Variants in BSN observed in about 807,000 individuals in gnomAD.
The protein encoded by BSN is protein bassoon.
In BSN, 57 loss-of-function variants were observed where a neutral mutation model predicts 264.8. The observed-to-expected ratio is 0.22, with a 90% CI of 0.17 to 0.27. BSN has a LOEUF of 0.27. BSN is among the 10% of genes least tolerant of loss of function. BSN has a pLI of 1.00. For synonymous variants in BSN, 2,059 were observed against 2,137.3 expected (o/e 0.96, Z 1.01); for missense variants, 4,615 against 5,232.5 (o/e 0.88, Z 3.64).
intron 2 of BSN, among the ~76,000 whole-genome samples, chr3:49,634,947 G>T (rs1034960919): frequency 6.6e-6 from 1 of 152,156 alleles, no homozygotes; most frequent in African/African-American, 2.4e-5. Flanking sequence ...AGGGGTAGCG[G>T]GTGGGCTCTG....
In BSN at chr3:49,655,102, T is replaced by A; in HGVS notation, c.5546T>A (p.Leu1849Gln). The change falls in exon 5 of 12, where the codon CTG becomes CAG. Residue 1849 changes from leucine to glutamine, a missense_variant. Physicochemically the swap from Leu to Gln is moderately radical, Grantham distance 113 (BLOSUM62 -2). Transcript: ENST00000296452. ...CCCCACCGGGCCACCCCTGCAGAGC[T>A]GCGGTCACATGCTCTGCCAGGTGCC... is the stretch of plus-strand genomic sequence containing the variant. ...AEPHRATPAE[L>Q]RSHALPGARK... The A allele has an allele frequency of 6.2e-7, 1 of 1,612,678 alleles. No homozygotes were observed. Among genetic ancestry groups the A allele is most frequent in the Non-Finnish European group, 8.5e-7 (1 of 1,179,882 alleles).
In BSN at chr3:49,570,519, C is replaced by T. The variant is rs188655502; in HGVS notation, c.224+15693C>T. ...CGTGGAAACAGAGACTGAAGAGCAG[C>T]AGGCACCAGCCTCTGTGCTGTCCCT... On this transcript the variant is annotated intron_variant, in intron 1 of 11. Coordinates refer to ENST00000296452, the MANE Select transcript of BSN (RefSeq NM_003458.4). Among the ~76,000 whole-genome samples, 297 of 152,302 alleles carry T rather than the reference C, an allele frequency of 2.0e-3. 2 individuals are homozygous for T. The highest frequency in any genetic ancestry group is 6.8e-3 in the African/African-American group (282 of 41,558).
At chr3:49,637,027 G>A (rs1351846597) in intron 2 of BSN, among the ~76,000 whole-genome samples, 1 of 152,264 alleles carries the variant, frequency 6.6e-6, no homozygotes, top group Non-Finnish European at 1.5e-5. Context: ...GCCCTCCCAG[G>A]AACCTCTAGA....
In BSN at chr3:49,631,989, T is replaced by C. The variant is rs562676783; in HGVS notation, c.633+6606T>C. Among the ~76,000 whole-genome samples, 19 of 152,254 alleles carry C rather than the reference T, an allele frequency of 1.2e-4. No individual in the cohort carries two copies. In the South Asian group the frequency reaches 3.7e-3, roughly 30 times the overall value. ...ACTGGCATAGAGACATATAGACCAATAGAGTAGAATACGTAGCCCAGAAAT... is the reference window on the plus strand; with the variant it reads ...ACTGGCATAGAGACATATAGACCAACAGAGTAGAATACGTAGCCCAGAAAT... On this transcript the variant is annotated intron_variant, in intron 2 of 11. Transcript: ENST00000296452.
chr3:49,659,465 CAT>C (rs1376263520), intron 5 of BSN, among the ~76,000 whole-genome samples: 1 of 152,132 alleles, frequency 6.6e-6, no homozygotes, highest in Non-Finnish European at 1.5e-5. Flanking sequence ...TTTATTATGA[CAT>C]ATGGTGGATG....
At chr3:49,584,981 T>A (rs78713831) in intron 1 of BSN, among the ~76,000 whole-genome samples, 1 of 152,226 alleles carries the variant, frequency 6.6e-6, no homozygotes, top group Non-Finnish European at 1.5e-5. Flanking sequence ...ATTCTTTTTT[T>A]ATGGCTGAGT....
chr3:49,595,880 T>C (rs2052018879), intron 1 of BSN, among the ~76,000 whole-genome samples: 3 of 152,228 alleles, frequency 2.0e-5, no homozygotes, highest in Non-Finnish European at 4.4e-5. Flanking sequence ...AATTATGTCA[T>C]CTGCAAATAT....
Position 49,654,863 on chromosome 3 carries a change from G to T in BSN, c.5307G>T (p.Val1769=), listed in dbSNP as rs767231541. The change falls in exon 5 of 12, where the codon GTG becomes GTT. Residue 1769 remains valine (V), a synonymous_variant. Coordinates refer to ENST00000296452, the MANE Select transcript of BSN (RefSeq NM_003458.4). This position sits in a 1 kb window ranked among gnomAD's most constrained non-coding sequence, Gnocchi z 4.1. ...TTGGCCAGGGTGGGGGTAGCCCTGT[G>T]TGCCTGGCCCAGGTCAAACAAGTAG... ...LDFGQGGGSP[V]CLAQVKQVEQ... is the part of the protein sequence containing the mutation. 7 of 1,613,488 alleles carry T rather than the reference G, an allele frequency of 4.3e-6. No individual in the cohort carries two copies. The highest frequency in any genetic ancestry group is 1.7e-5 in the Admixed American group (1 of 60,010).
chr3:49,628,875 A>G (rs1481733693), intron 2 of BSN, among the ~76,000 whole-genome samples: 1 of 152,014 alleles, frequency 6.6e-6, no homozygotes, highest in African/African-American at 2.4e-5. Context: ...GCTGGTTCAG[A>G]ACAAATAGGG....
Position 49,669,647 on chromosome 3 carries a change from T to A in BSN, c.*2162T>A, listed in dbSNP as rs1463727361. On this transcript the variant is annotated 3_prime_UTR_variant, in exon 12 of 12. Transcript: ENST00000296452. ...GGAGATCTGGGCTGGAGCTAGGGGG[T>A]CAATGGATGCTCAGGAAGAGCTGGG... The A allele has an allele frequency of 6.6e-6, 1 of 152,048 alleles. No homozygotes were observed. Among genetic ancestry groups the A allele is most frequent in the Admixed American group, 6.6e-5 (1 of 15,254 alleles). 9.4% of individuals were successfully genotyped at this position (152,048 alleles called of 1,614,324 possible). A position where few individuals can be genotyped will look rare whatever the true frequency, so the allele number is the denominator to read the frequency against.
Position 49,642,980 on chromosome 3 carries a change from C to T in BSN, c.1346C>T (p.Ser449Leu), listed in dbSNP as rs962864521. The T allele has an allele frequency of 1.8e-5, 29 of 1,613,896 alleles. No individual in the cohort carries two copies. The highest frequency in any genetic ancestry group is 1.1e-4 in the African/African-American group (8 of 74,934). ...GGCAGAGCAGAACATCAGGCAGCAT[C>T]GAAGGCTGCTGCCAAGCCAAAGACC... ...KHGRAEHQAASKAAAKPKTMP... is the reference protein window; with the variant it reads ...KHGRAEHQAALKAAAKPKTMP... The change falls in exon 3 of 12, where the codon TCG becomes TTG. Residue 449 changes from serine (S) to leucine (L), a missense_variant. By Grantham distance (145) the Ser-to-Leu change is moderately radical. Around this residue, in one of 3 missense-constraint regions of BSN, gnomAD observed 1,197 missense variants for 1,348.0 expected, o/e 0.89. Coordinates refer to ENST00000296452, the MANE Select transcript of BSN (RefSeq NM_003458.4). The surrounding 1 kb of genome is among the most constrained non-coding windows in gnomAD (Gnocchi z 7.0).
In BSN at chr3:49,585,314, C is replaced by T. The variant is rs948990868; in HGVS notation, c.224+30488C>T. 5.9e-5 allele frequency among the ~76,000 whole-genome samples: 9 copies of T among 152,214 alleles called. No homozygotes were observed. The highest frequency in any genetic ancestry group is 3.4e-3 in the Middle Eastern group (1 of 294). Reference sequence around the variant, plus strand: ...CTGAGGGAATCAGAAGCACCACTGTCCATCCGGAATTAAATCCACATCCCA... The same window carrying T: ...CTGAGGGAATCAGAAGCACCACTGTTCATCCGGAATTAAATCCACATCCCA... On this transcript the variant is annotated intron_variant, in intron 1 of 11. Transcript: ENST00000296452. This position sits in a 1 kb window ranked among gnomAD's most constrained non-coding sequence, Gnocchi z 4.7.
chr3:49,636,221 G>A (rs2052419179), intron 2 of BSN, among the ~76,000 whole-genome samples: 1 of 152,178 alleles, frequency 6.6e-6, no homozygotes, highest in Non-Finnish European at 1.5e-5. Context: ...TTTAAGAGGC[G>A]AGGGCCAAGG....
At chr3:49,666,075 C>A (rs1241818998) in intron 11 of BSN, among the ~76,000 whole-genome samples, 1 of 152,274 alleles carries the variant, frequency 6.6e-6, no homozygotes, top group East Asian at 1.9e-4. Flanking sequence ...CAGCTCTGTG[C>A]ACAGCCAGGA....
chr3:49,597,029 GT>G (rs2052029035), intron 1 of BSN, among the ~76,000 whole-genome samples: 1 of 152,152 alleles, frequency 6.6e-6, no homozygotes, highest in East Asian at 1.9e-4. Context: ...TTGATTGACA[GT>G]TGAGCTTCTT....
rs75877217 is a variant in BSN at position 49,631,657 on chromosome 3, G to T, written c.633+6274G>T. Among the ~76,000 whole-genome samples the T allele has an allele frequency of 5.8e-3, 876 of 152,194 alleles. 13 individuals are homozygous for T. The highest frequency in any genetic ancestry group is 0.02 in the African/African-American group (844 of 41,494). ...ATGGGAGGCAGTTGGAAAAAGAGGA[G>T]GCCTGAGGGGATGTGCTTTGTTCAT... On this transcript the variant is annotated intron_variant, in intron 2 of 11. Coordinates refer to ENST00000296452, the MANE Select transcript of BSN (RefSeq NM_003458.4).
chr3:49,660,903 C>T lies in BSN; in HGVS notation c.9058C>T (p.Leu3020=). ...CCTATCGGACAGTGAGCTCAACCAG[C>T]TGCGGCTCCAGGGCTGCACCACTCC... ...DYLSDSELNQ[L]RLQGCTTPAG... is the part of the protein sequence containing the mutation. The change falls in exon 6 of 12, where the codon CTG becomes TTG. Residue 3020 remains leucine (L), a synonymous_variant. Coordinates refer to ENST00000296452, the MANE Select transcript of BSN (RefSeq NM_003458.4). The surrounding 1 kb of genome is among the most constrained non-coding windows in gnomAD (Gnocchi z 7.1). 1 of 1,612,894 alleles carries T rather than the reference C, an allele frequency of 6.2e-7. No homozygotes were observed. Among genetic ancestry groups the T allele is most frequent in the Non-Finnish European group, 8.5e-7 (1 of 1,180,018 alleles).
chr3:49,652,041 C>A lies in BSN; in HGVS notation c.2485C>A (p.Gln829Lys), dbSNP rs772763014. 1 of 1,610,244 alleles carries A rather than the reference C, an allele frequency of 6.2e-7. No homozygotes were observed. The highest frequency in any genetic ancestry group is 8.5e-7 in the Non-Finnish European group (1 of 1,177,314). ...GGGTGGCCTGTCCCCTCTTCCACCC[C>A]AGCCCCCAGCCCGGGCAGCAGAACT... Reference protein sequence around the residue: ...SEGGLSPLPPQPPARAAELTD... With the variant: ...SEGGLSPLPPKPPARAAELTD... Residue 829 changes from glutamine (Q) to lysine (K), a missense_variant, in exon 5 of 12, where the codon CAG becomes AAG. Coordinates refer to ENST00000296452, the MANE Select transcript of BSN (RefSeq NM_003458.4).
intron 3 of BSN, among the ~76,000 whole-genome samples, chr3:49,650,110 G>A (rs1182033154): frequency 1.3e-5 from 2 of 152,176 alleles, no homozygotes; most frequent in African/African-American, 4.8e-5. Flanking sequence ...CCCTTACCTG[G>A]GAAAGAGTGT....
Sources: allele counts gnomAD v4.1 joint callset (sites outside exome capture counted in the v4.1 genomes callset), GRCh38; gene constraint gnomAD v4.1.1; regional missense constraint gnomAD v4.1.1; non-coding constraint Gnocchi (gnomAD v3.1); transcripts MANE v1.5; gene names NCBI Gene and HGNC (gene_info 2026-07-23, HGNC 2026-07-21).